The following RNF213 variants were observed in gnomAD, a reference collection of about 807,000 sequenced individuals.
RNF213 encodes the protein ring finger protein 213.
In RNF213, 341 loss-of-function variants were observed where a neutral mutation model predicts 514.4. That is an observed-to-expected ratio of 0.66 (90% CI 0.61 to 0.73). The LOEUF (loss-of-function observed/expected upper bound fraction) is 0.73, where lower values mean the gene tolerates loss of function less well. Among genes scored for constraint, RNF213 ranks in the 30% least tolerant of loss-of-function variants. RNF213 has a pLI of 0.00. For missense variants in RNF213, 5,767 were observed against 6,615.6 expected (o/e 0.87, Z 4.45); for synonymous variants, 2,655 against 2,658.2 (o/e 1.00, Z 0.04).
chr17:80,391,820 G>C (rs1426123761), intron 67 of RNF213, among the ~76,000 whole-genome samples: 1 of 122,700 alleles, frequency 8.1e-6, no homozygotes, highest in Non-Finnish European at 1.6e-5. Flanking sequence ...ATCCAGGCTA[G>C]AGTGCAATGG....
At chr17:80,389,083 G>T (rs773363462) in intron 64 of RNF213, 90 bp from the exon 65 acceptor site, 1 of 1,257,054 alleles carries the variant, frequency 8.0e-7, no homozygotes. Flanking sequence ...CATGTGGCTT[G>T]GGCAGTGAAG....
At chr17:80,357,137 G>A (rs185388302) in intron 36 of RNF213, among the ~76,000 whole-genome samples, 3,764 of 151,888 alleles carry the variant, frequency 0.025, 65 homozygotes, top group Middle Eastern at 0.065. Context: ...GGCTGGTCTC[G>A]AACTCCTGAC....
chr17:80,310,045 G>A lies in RNF213; in HGVS notation c.2655+874G>A, dbSNP rs1336703055. Among the ~76,000 whole-genome samples, 2 of 151,604 alleles carry A rather than the reference G, an allele frequency of 1.3e-5. 1 individual carries two copies. The highest frequency in any genetic ancestry group is 4.8e-5 in the African/African-American group (2 of 41,356). ...TGGGATTACAGGCTTAAACCACCAC[G>A]CCCAGCCTCCCATGGATCAGTTTTA... On this transcript the variant is annotated intron_variant, in intron 14 of 67. Transcript: ENST00000582970.
intron 6 of RNF213, 132 bp from the exon 7 acceptor site, chr17:80,290,438 T>C (rs1418188157): frequency 1.0e-5 from 11 of 1,082,614 alleles, no homozygotes; most frequent in Admixed American, 8.7e-5. Flanking sequence ...TGCGCGTGTG[T>C]GCATGTGTGT....
At chr17:80,358,574 TCAACTTCAGAG>T in intron 37 of RNF213, 95 bp downstream of exon 37, 2 of 1,183,590 alleles carry the variant, frequency 1.7e-6, no homozygotes, top group Non-Finnish European at 2.5e-6. Flanking sequence ...AACGCAGCCC[TCAACTTCAGAG>T]CAACGTTGAC....
intron 56 of RNF213, 184 bp downstream of exon 56, chr17:80,381,171 A>T: frequency 4.3e-6 from 3 of 692,448 alleles, no homozygotes; most frequent in East Asian, 2.7e-5. Context: ...GTATGGGGGG[A>T]ACTACTCCCC....
rs139828251 is a variant in RNF213, at chr17:80,353,504, G to T, written c.10424-8G>T. ...GTGGTAACGCAATCACGTTTGCTTC[G>T]ACTGCAGTGGGCTTGGAACACCGGG... On this transcript the variant is annotated splice_polypyrimidine_tract_variant and splice_region_variant and intron_variant, in intron 33 of 67. Transcript: ENST00000582970. The surrounding 1 kb of genome is among the most constrained non-coding windows in gnomAD (Gnocchi z 5.0). 1.2e-6 allele frequency: 2 copies of T among 1,605,474 alleles called. No homozygotes were observed. The highest frequency in any genetic ancestry group is 1.7e-6 in the Non-Finnish European group (2 of 1,175,916).
chr17:80,283,604 C>G (rs530465402), intron 3 of RNF213, among the ~76,000 whole-genome samples: 1 of 152,244 alleles, frequency 6.6e-6, no homozygotes, highest in East Asian at 1.9e-4. Flanking sequence ...TGGCCACTCC[C>G]CTCCTGCAAG....
intron 22 of RNF213, chr17:80,334,501 C>T (rs769243401): frequency 2.4e-6 from 1 of 410,150 alleles, no homozygotes. Flanking sequence ...CACACCCCGC[C>T]ACTTCGGAAG....
At position 80,329,516 on chromosome 17, in the gene RNF213, C is replaced by T. The variant is rs189619238; in HGVS notation, c.3517+1039C>T. ...TGTTACTCATATTCTGAAATAATAA[C>T]GTGTCTTGGCCTGGATCTATGTTCC... On this transcript the variant is annotated intron_variant, in intron 20 of 67. Transcript: ENST00000582970. Among the ~76,000 whole-genome samples the T allele has an allele frequency of 1.4e-4, 21 of 152,276 alleles. No homozygotes were observed. In the East Asian group the frequency reaches 1.5e-3, roughly 11 times the overall value.
intron 39 of RNF213, 87 bp from the exon 40 acceptor site, chr17:80,363,015 G>A (rs1319423402): frequency 1.4e-5 from 18 of 1,273,666 alleles, no homozygotes; most frequent in Non-Finnish European, 1.3e-5. Flanking sequence ...CTCTTTTATG[G>A]TTTTCCAATA....
At chr17:80,360,255 G>C in intron 38 of RNF213, 49 bp downstream of exon 38, 1 of 1,584,702 alleles carries the variant, frequency 6.3e-7, no homozygotes, top group South Asian at 1.1e-5. Flanking sequence ...GAATCACAAA[G>C]GGATTGCCTG....
chr17:80,377,168 T>C lies in RNF213; in HGVS notation c.13510+205T>C, dbSNP rs2079794917. ...CGGCTAGATGATCCAAACCATTTCATTTCTTTGTCGTGTGGAAAAGGCCCT... is the reference window on the plus strand; with the variant it reads ...CGGCTAGATGATCCAAACCATTTCACTTCTTTGTCGTGTGGAAAAGGCCCT... On this transcript the variant is annotated intron_variant, in intron 53 of 67. Transcript: ENST00000582970. This position sits in a 1 kb window ranked among gnomAD's most constrained non-coding sequence, Gnocchi z 4.1. 1 of 595,374 alleles carries C rather than the reference T, an allele frequency of 1.7e-6. No individual in the cohort carries two copies. Among genetic ancestry groups the C allele is most frequent in the South Asian group, 1.9e-5 (1 of 52,698 alleles). The allele number at this position is 595,374 out of a possible 1,614,324, so 36.9% of individuals were successfully genotyped here.
At position 80,384,149 on chromosome 17, in the gene RNF213, C is replaced by T. The variant is rs902261988; in HGVS notation, c.14322+221C>T. ...AAGTCACAGACGAAATACACACCCA[C>T]GTTGGGATTAGCAGTGACCTGTGGG... is the stretch of plus-strand genomic sequence containing the variant. On this transcript the variant is annotated intron_variant, in intron 59 of 67. Transcript: ENST00000582970. Among the ~76,000 whole-genome samples the T allele has an allele frequency of 3.9e-5, 6 of 152,226 alleles. No individual in the cohort carries two copies. In the East Asian group the frequency reaches 5.8e-4, roughly 15 times the overall value.
At chr17:80,352,113 A>T in intron 32 of RNF213, 1 of 285,062 alleles carries the variant, frequency 3.5e-6, no homozygotes, top group Non-Finnish European at 6.8e-6. Flanking sequence ...CCAGCCTCCC[A>T]AAGTGCTGGG....
chr17:80,379,365 A>G (rs1226373885), intron 54 of RNF213: 9 of 512,016 alleles, frequency 1.8e-5, no homozygotes, highest in South Asian at 6.0e-5. Context: ...ATTTGTCTAT[A>G]AAGTGTCACT....
intron 42 of RNF213, chr17:80,364,997 G>A (rs968926793): frequency 7.3e-5 from 18 of 246,762 alleles, no homozygotes; most frequent in Non-Finnish European, 1.5e-4. Context: ...ACAGAACCAA[G>A]GAACAGGAAG....
intron 61 of RNF213, 144 bp downstream of exon 61, chr17:80,385,765 A>G (rs2144634697): frequency 1.3e-6 from 1 of 741,204 alleles, no homozygotes; most frequent in East Asian, 2.8e-5. Flanking sequence ...CTCTGTCGCC[A>G]GGCTGGAGTG....
intron 67 of RNF213, among the ~76,000 whole-genome samples, chr17:80,392,399 T>C (rs1164937529): frequency 6.6e-6 from 1 of 152,206 alleles, no homozygotes; most frequent in Non-Finnish European, 1.5e-5. Flanking sequence ...GCCTTGTTTA[T>C]GCAACCCTGT....
Sources: allele counts gnomAD v4.1 joint callset (sites outside exome capture counted in the v4.1 genomes callset), GRCh38; gene constraint gnomAD v4.1.1; non-coding constraint Gnocchi (gnomAD v3.1); transcripts MANE v1.5; gene names NCBI Gene and HGNC (gene_info 2026-07-23, HGNC 2026-07-21).